Variants in PCDH7 observed in about 807,000 individuals in gnomAD.
PCDH7 encodes protocadherin 7, also known as protocadherin-7.
In PCDH7, 17 loss-of-function variants were observed where a neutral mutation model predicts 58.9. The observed-to-expected ratio is 0.29, with a 90% CI of 0.20 to 0.43. PCDH7 has a LOEUF of 0.43. Ranked by LOEUF, PCDH7 falls within the 20% of genes least tolerant of loss-of-function variation. PCDH7 has a pLI of 1.00. For missense variants in PCDH7, 1,274 were observed against 1,441.0 expected (o/e 0.88, Z 1.88); for synonymous variants, 664 against 616.4 (o/e 1.08, Z -1.14).
chr4:31,005,220 T>C (rs1469302756), intron 3 of PCDH7, among the ~76,000 whole-genome samples: 2 of 152,116 alleles, frequency 1.3e-5, no homozygotes, highest in African/African-American at 4.8e-5. Flanking sequence ...AGGAACTGAG[T>C]GTTGCTTGGG....
intron 1 of PCDH7, among the ~76,000 whole-genome samples, chr4:30,841,479 A>T (rs1731209926): frequency 6.6e-6 from 1 of 152,134 alleles, no homozygotes; most frequent in Non-Finnish European, 1.5e-5. Context: ...AACTTCTTTG[A>T]TATGATGTTT....
intron 1 of PCDH7, among the ~76,000 whole-genome samples, chr4:30,738,368 A>G (rs1052842715): frequency 2.0e-5 from 3 of 152,056 alleles, no homozygotes; most frequent in Non-Finnish European, 4.4e-5. Flanking sequence ...GCTCCAAAAA[A>G]CCAACCTTAT....
At chr4:30,894,540 C>G (rs1228006749) in intron 1 of PCDH7, among the ~76,000 whole-genome samples, 3 of 110,854 alleles carry the variant, frequency 2.7e-5, no homozygotes, top group Non-Finnish European at 5.3e-5. Flanking sequence ...CACACACACA[C>G]ACACACACAC....
intron 1 of PCDH7, among the ~76,000 whole-genome samples, chr4:30,885,920 T>C (rs1737675958): frequency 1.3e-5 from 2 of 152,226 alleles, no homozygotes; most frequent in Admixed American, 6.5e-5. Context: ...GCTGGCCATA[T>C]GTAGAAAGCT....
At chr4:30,790,115 T>A (rs1049178915) in intron 1 of PCDH7, among the ~76,000 whole-genome samples, 5 of 152,178 alleles carry the variant, frequency 3.3e-5, no homozygotes, top group African/African-American at 1.2e-4. Flanking sequence ...GTTTTAGTTC[T>A]TGTTATTTTT....
At chr4:30,924,944 G>A (rs1320495162) in intron 2 of PCDH7, among the ~76,000 whole-genome samples, 1 of 150,916 alleles carries the variant, frequency 6.6e-6, no homozygotes, top group Non-Finnish European at 1.5e-5. Context: ...CAAGTTAAAT[G>A]AGGTTCGAAA....
chr4:30,965,296 A>C (rs1424067657), intron 3 of PCDH7, among the ~76,000 whole-genome samples: 1 of 152,186 alleles, frequency 6.6e-6, no homozygotes, highest in Admixed American at 6.5e-5. Flanking sequence ...TGGATCAAGC[A>C]AGGCATGCAG....
At position 30,868,023 on chromosome 4, in the gene PCDH7, A is replaced by G. The variant is rs1041965776; in HGVS notation, c.71-52130A>G. ...TTTGAAGCCACATTAGTTATTATTA[A>G]TAGTTATTATCCATCATTACATGTC... On this transcript the variant is annotated intron_variant, in intron 1 of 3. Transcript: ENST00000509759. Among the ~76,000 whole-genome samples the G allele has an allele frequency of 2.0e-5, 3 of 152,120 alleles. No homozygotes were observed. The East Asian group carries it at 5.8e-4, about 30-fold the overall frequency.
intron 3 of PCDH7, among the ~76,000 whole-genome samples, chr4:31,023,641 G>C (rs143364675): frequency 6.6e-6 from 1 of 151,980 alleles, no homozygotes; most frequent in Non-Finnish European, 1.5e-5. Context: ...TATTCATTTC[G>C]CTGCTCTCCT....
intron 1 of PCDH7, among the ~76,000 whole-genome samples, chr4:30,846,328 T>C (rs1036900326): frequency 6.6e-6 from 1 of 152,032 alleles, no homozygotes; most frequent in Non-Finnish European, 1.5e-5. Flanking sequence ...GTTATTAGAA[T>C]AGTGGATTTC....
chr4:31,110,168 G>T (rs1716105489), intron 3 of PCDH7, among the ~76,000 whole-genome samples: 1 of 152,196 alleles, frequency 6.6e-6, no homozygotes, highest in South Asian at 2.1e-4. Flanking sequence ...GTTTTCCGCT[G>T]AGGAAATTGA....
chr4:30,834,793 A>G (rs1436907882), intron 1 of PCDH7, among the ~76,000 whole-genome samples: 2 of 152,066 alleles, frequency 1.3e-5, no homozygotes, highest in Admixed American at 1.3e-4. Flanking sequence ...ATTATGTATT[A>G]GATTTATACA....
rs16884027 is a variant in PCDH7, at chr4:30,745,271, T to G, written c.70+20675T>G. On this transcript the variant is annotated intron_variant, in intron 1 of 3. Coordinates refer to the PCDH7 transcript ENST00000509759. ...TTGTTTTTTTTTTTTATGAATTGGT[T>G]GTAGAGGGTGTTCTAGCCCTGGGAT... Among the ~76,000 whole-genome samples, 524 of 152,136 alleles carry G rather than the reference T, an allele frequency of 3.4e-3. 3 individuals carry two copies. The highest frequency in any genetic ancestry group is 0.032 in the East Asian group (168 of 5,170).
rs189068585 is a variant in PCDH7 at position 30,979,089 on chromosome 4, G to A, written c.*7+28874G>A. 5.7e-3 allele frequency among the ~76,000 whole-genome samples: 861 copies of A among 151,970 alleles called. 8 individuals are homozygous for A. The highest frequency in any genetic ancestry group is 0.02 in the African/African-American group (813 of 41,454). On this transcript the variant is annotated intron_variant, in intron 3 of 3. Coordinates refer to the PCDH7 transcript ENST00000509759. Reference sequence around the variant, plus strand: ...AGTGATCCTTAAAAAAAAATTGGGGGGCCGAGGCAGGCAGATCACGAGGTC... The same window carrying A: ...AGTGATCCTTAAAAAAAAATTGGGGAGCCGAGGCAGGCAGATCACGAGGTC...
At chr4:31,118,023 C>T (rs999162880) in intron 3 of PCDH7, among the ~76,000 whole-genome samples, 5 of 152,166 alleles carry the variant, frequency 3.3e-5, no homozygotes, top group African/African-American at 9.7e-5. Context: ...TACTTCTATA[C>T]GTATTCCCTT....
intron 1 of PCDH7, among the ~76,000 whole-genome samples, chr4:30,820,899 A>G (rs932953481): frequency 1.3e-5 from 2 of 152,128 alleles, no homozygotes; most frequent in East Asian, 1.9e-4. Context: ...TTTGCATGGT[A>G]TTTTAAGTAC....
At chr4:30,822,149 C>T (rs1728458287) in intron 1 of PCDH7, among the ~76,000 whole-genome samples, 1 of 152,136 alleles carries the variant, frequency 6.6e-6, no homozygotes, top group Non-Finnish European at 1.5e-5. Context: ...ACTAATTAAA[C>T]TCCTTGATAG....
intron 3 of PCDH7, among the ~76,000 whole-genome samples, chr4:31,010,953 G>A (rs1314571148): frequency 6.6e-6 from 1 of 151,914 alleles, no homozygotes; most frequent in Non-Finnish European, 1.5e-5. Flanking sequence ...ATAAATGCCA[G>A]CCTCCTTCTT....
In PCDH7 at chr4:31,132,538, A is replaced by G. The variant is rs1462775459; in HGVS notation, c.*8-9935A>G. On this transcript the variant is annotated intron_variant, in intron 3 of 3. Transcript: ENST00000509759. ...TACAGAACTAATGAGTAAAAAGATC[A>G]TACTGCCATATGATAATTACCTAGT... Among the ~76,000 whole-genome samples the G allele has an allele frequency of 2.0e-5, 3 of 152,170 alleles. No individual in the cohort carries two copies. In the East Asian group the frequency reaches 5.8e-4, roughly 29 times the overall value.
Sources: gnomAD v4.1 joint callset for allele counts (sites outside exome capture counted in the v4.1 genomes callset) on GRCh38, gnomAD v4.1.1 for gene constraint, MANE v1.5 for transcripts, NCBI Gene and HGNC (gene_info 2026-07-23, HGNC 2026-07-21) for gene names.